Variants in CDYL2 observed in about 807,000 individuals in gnomAD.
CDYL2 encodes chromodomain Y-like protein 2.
In CDYL2, 23 loss-of-function variants were observed where a neutral mutation model predicts 49.4. The ratio of observed to expected loss-of-function variants is 0.47; its 90% CI spans 0.34 to 0.66. The LOEUF (loss-of-function observed/expected upper bound fraction) is 0.66. Ranked by LOEUF, CDYL2 falls within the 30% of genes least tolerant of loss-of-function variation. CDYL2 has a pLI of 0.01. For synonymous variants in CDYL2, 360 were observed against 268.8 expected, an observed-to-expected ratio of 1.34 and a Z score of -3.32; for missense variants, 678 against 656.4, an observed-to-expected ratio of 1.03 and a Z score of -0.36.
chr16:80,707,711 T>C (rs1172904385), intron 1 of CDYL2, among the ~76,000 whole-genome samples: 1 of 152,188 alleles, frequency 6.6e-6, no homozygotes, highest in Non-Finnish European at 1.5e-5. Flanking sequence ...TTTAACAGAA[T>C]CTGTGTCTGT....
intron 6 of CDYL2, 65 bp from the exon 7 acceptor site, chr16:80,604,611 TG>T: frequency 6.4e-7 from 1 of 1,574,318 alleles, no homozygotes; most frequent in Non-Finnish European, 8.7e-7. Context: ...ACTAGGTACC[TG>T]GCCCATGGGG....
chr16:80,606,550 G>A (rs938881843), intron 6 of CDYL2, among the ~76,000 whole-genome samples: 1 of 152,128 alleles, frequency 6.6e-6, no homozygotes, highest in East Asian at 1.9e-4. Flanking sequence ...CCTGTCTTGA[G>A]TGCCCTCACT....
chr16:80,662,174 G>A (rs13331233), intron 2 of CDYL2, among the ~76,000 whole-genome samples: 67,374 of 152,008 alleles, frequency 0.44, 15,875 homozygotes, highest in East Asian at 0.6. Flanking sequence ...TGACTAACTC[G>A]TATTTATATC....
chr16:80,648,899 T>C (rs899259180), intron 2 of CDYL2, among the ~76,000 whole-genome samples: 1 of 152,146 alleles, frequency 6.6e-6, no homozygotes, highest in African/African-American at 2.4e-5. Flanking sequence ...AAAAACCATA[T>C]GATTATTTCA....
chr16:80,685,420 T>C (rs1272417684), intron 1 of CDYL2, among the ~76,000 whole-genome samples: 3 of 152,254 alleles, frequency 2.0e-5, no homozygotes, highest in African/African-American at 7.2e-5. Context: ...GGCTTACTTT[T>C]ATTTGAAATT....
chr16:80,648,515 C>G (rs892496165), intron 2 of CDYL2, among the ~76,000 whole-genome samples: 1 of 151,930 alleles, frequency 6.6e-6, no homozygotes, highest in East Asian at 1.9e-4. Context: ...TAAAAAGTCT[C>G]CCAGTAAAGA....
intron 2 of CDYL2, among the ~76,000 whole-genome samples, chr16:80,664,113 T>C (rs978002256): frequency 1.6e-4 from 25 of 152,190 alleles, no homozygotes; most frequent in African/African-American, 5.8e-4. Context: ...TTCATTTTTA[T>C]CACCTTTTCT....
intron 1 of CDYL2, among the ~76,000 whole-genome samples, chr16:80,699,611 T>C (rs534199143): frequency 3.3e-5 from 5 of 152,138 alleles, no homozygotes; most frequent in South Asian, 2.1e-4. Flanking sequence ...CACTGTAAGG[T>C]GAATATAGTT....
intron 5 of CDYL2, among the ~76,000 whole-genome samples, chr16:80,611,757 G>T (rs1331725187): frequency 6.6e-6 from 1 of 152,212 alleles, no homozygotes; most frequent in Admixed American, 6.5e-5. Context: ...CCTCACAGGG[G>T]CGTGGACGGC....
chr16:80,664,567 G>T (rs1000706107), intron 2 of CDYL2, among the ~76,000 whole-genome samples: 2 of 152,136 alleles, frequency 1.3e-5, no homozygotes, highest in Non-Finnish European at 2.9e-5. Flanking sequence ...CATAGTGAGG[G>T]GAAAGCAAAT....
chr16:80,690,810 C>T (rs899881993), intron 1 of CDYL2, among the ~76,000 whole-genome samples: 2 of 152,126 alleles, frequency 1.3e-5, no homozygotes, highest in Admixed American at 1.3e-4. Flanking sequence ...GCCACAGGGC[C>T]TCCTCTCCCT....
intron 2 of CDYL2, among the ~76,000 whole-genome samples, chr16:80,676,315 T>A (rs1909740314): frequency 6.6e-6 from 1 of 152,186 alleles, no homozygotes; most frequent in African/African-American, 2.4e-5. Flanking sequence ...TTGAAAAGGT[T>A]AGTGAAAGTG....
chr16:80,680,620 A>T (rs760363941), intron 2 of CDYL2, among the ~76,000 whole-genome samples: 4 of 152,192 alleles, frequency 2.6e-5, no homozygotes, highest in Non-Finnish European at 4.4e-5. Context: ...AAAAAGAGAG[A>T]GATGCCTAGT....
chr16:80,664,231 G>C (rs899037676), intron 2 of CDYL2, among the ~76,000 whole-genome samples: 2 of 152,138 alleles, frequency 1.3e-5, no homozygotes, highest in African/African-American at 4.8e-5. Context: ...TTCCAGGACT[G>C]TCTGAGGTTC....
At chr16:80,682,951 G>C (rs1234779918) in intron 2 of CDYL2, among the ~76,000 whole-genome samples, 1 of 152,302 alleles carries the variant, frequency 6.6e-6, no homozygotes, top group South Asian at 2.1e-4. Flanking sequence ...AGTAAATCCT[G>C]TTTGGGTGAA....
Position 80,773,632 on chromosome 16 carries a change from T to A in CDYL2, c.24+30518A>T, listed in dbSNP as rs370475414. 4.3e-4 allele frequency among the ~76,000 whole-genome samples: 66 copies of A among 152,198 alleles called. No homozygotes were observed. In the Middle Eastern group the frequency reaches 0.01, roughly 24 times the overall value. ...TGTTCTTTAATGATAAAATTGAAAG[T>A]ACAATAAAATAAAGATGACAGAAAA... On this transcript the variant is annotated intron_variant, in intron 1 of 6. Coordinates refer to ENST00000570137, the MANE Select transcript of CDYL2 (RefSeq NM_152342.4).
intron 1 of CDYL2, among the ~76,000 whole-genome samples, chr16:80,798,959 A>T (rs1401180242): frequency 6.6e-6 from 1 of 151,998 alleles, no homozygotes; most frequent in Non-Finnish European, 1.5e-5. Flanking sequence ...GTCATTTAAA[A>T]CTCATAACAC....
intron 1 of CDYL2, among the ~76,000 whole-genome samples, chr16:80,695,779 A>AG (rs1910592735): frequency 6.6e-6 from 1 of 152,212 alleles, no homozygotes; most frequent in Non-Finnish European, 1.5e-5. Flanking sequence ...ATCTAAAAGG[A>AG]GGGAAAGACC....
intron 1 of CDYL2, among the ~76,000 whole-genome samples, chr16:80,794,177 C>G (rs144433693): frequency 6.6e-6 from 1 of 152,136 alleles, no homozygotes; most frequent in Non-Finnish European, 1.5e-5. Context: ...CTCAATAAAC[C>G]GCAACACTAC....
Sources: gnomAD v4.1 joint callset for allele counts (sites outside exome capture counted in the v4.1 genomes callset) on GRCh38, gnomAD v4.1.1 for gene constraint, MANE v1.5 for transcripts, NCBI Gene and HGNC (gene_info 2026-07-23, HGNC 2026-07-21) for gene names.